CCDC6: variants seen among roughly 807,000 people sequenced by gnomAD.
CCDC6 encodes the protein coiled-coil domain-containing protein 6.
In CCDC6, 20 loss-of-function variants were observed where a neutral mutation model predicts 56.6. The ratio of observed to expected loss-of-function variants is 0.35; its 90% confidence interval spans 0.25 to 0.51. The LOEUF (loss-of-function observed/expected upper bound fraction) is 0.51, where lower values mean the gene tolerates loss of function less well. Ranked by LOEUF, CCDC6 falls within the 20% of genes least tolerant of loss-of-function variation. The probability of loss-of-function intolerance (pLI) is 0.95; values close to 1 mark genes in which losing one functional copy is unlikely to be tolerated. For missense variants in CCDC6, 367 were observed against 601.1 expected, an observed-to-expected ratio of 0.61 and a Z score of 4.07; for synonymous variants, 241 against 234.4, an observed-to-expected ratio of 1.03 and a Z score of -0.26.
At chr10:59,842,581 T>C (rs1445497227) in intron 2 of CCDC6, among the ~76,000 whole-genome samples, 2 of 152,204 alleles carry the variant, frequency 1.3e-5, no homozygotes, top group Non-Finnish European at 2.9e-5. Context: ...CCTTTTAATA[T>C]ATTGCTGACT....
chr10:59,825,067 T>C (rs538020344), intron 3 of CCDC6, among the ~76,000 whole-genome samples: 120 of 152,320 alleles, frequency 7.9e-4, no homozygotes, highest in African/African-American at 2.5e-3. Context: ...GGGAAGCTTT[T>C]AGCATGAATG....
At chr10:59,877,048 T>C (rs546368024) in intron 1 of CCDC6, among the ~76,000 whole-genome samples, 1 of 152,348 alleles carries the variant, frequency 6.6e-6, no homozygotes, top group East Asian at 1.9e-4. Context: ...AGTATTTATG[T>C]ATCTAAACAT....
At chr10:59,880,062 T>A (rs1414549624) in intron 1 of CCDC6, among the ~76,000 whole-genome samples, 1 of 152,194 alleles carries the variant, frequency 6.6e-6, no homozygotes, top group Admixed American at 6.5e-5. Context: ...AGAAAATGTC[T>A]CTGGCAGAGG....
intron 1 of CCDC6, among the ~76,000 whole-genome samples, chr10:59,876,041 C>T (rs1045539848): frequency 1.4e-5 from 2 of 144,444 alleles, no homozygotes; most frequent in African/African-American, 5.2e-5. Context: ...GCCAACAAGC[C>T]TACACACATA....
intron 1 of CCDC6, among the ~76,000 whole-genome samples, chr10:59,853,379 A>G (rs2071055098): frequency 6.6e-6 from 1 of 152,088 alleles, no homozygotes; most frequent in Non-Finnish European, 1.5e-5. Flanking sequence ...TAAAAAATAC[A>G]AAAAATTAGT....
intron 1 of CCDC6, among the ~76,000 whole-genome samples, chr10:59,875,242 G>A (rs1043617258): frequency 6.6e-6 from 1 of 152,230 alleles, no homozygotes; most frequent in African/African-American, 2.4e-5. Context: ...GGATGGCACT[G>A]ATGACCTATT....
chr10:59,820,772 C>T (rs946443367), intron 3 of CCDC6, among the ~76,000 whole-genome samples: 4 of 125,690 alleles, frequency 3.2e-5, no homozygotes, highest in East Asian at 4.0e-4. Flanking sequence ...AATGAATGAA[C>T]GAATGAAAGA....
At chr10:59,874,518 A>C (rs2071261409) in intron 1 of CCDC6, among the ~76,000 whole-genome samples, 1 of 152,228 alleles carries the variant, frequency 6.6e-6, no homozygotes, top group African/African-American at 2.4e-5. Context: ...CTGCCAGTGA[A>C]GGCAGAATGC....
intron 1 of CCDC6, among the ~76,000 whole-genome samples, chr10:59,881,465 T>G (rs547347314): frequency 6.6e-6 from 1 of 152,310 alleles, no homozygotes; most frequent in African/African-American, 2.4e-5. Context: ...ATTATGCCCC[T>G]TTCCTCTCTT....
chr10:59,805,423 CA>C (rs1212453795), intron 6 of CCDC6: 2 of 152,050 alleles, frequency 1.3e-5, no homozygotes, highest in South Asian at 4.1e-4. Context: ...ATCTGACCTA[CA>C]AAAGGTAGGG....
chr10:59,885,060 TAACAAC>T (rs34281702), intron 1 of CCDC6, among the ~76,000 whole-genome samples: 13 of 148,106 alleles, frequency 8.8e-5, no homozygotes, highest in African/African-American at 3.0e-4. Context: ...CGAGACTCCG[TAACAAC>T]AACAACAACA....
chr10:59,875,993 T>TA (rs1425934024), intron 1 of CCDC6, among the ~76,000 whole-genome samples: 2 of 148,634 alleles, frequency 1.3e-5, no homozygotes, highest in African/African-American at 2.5e-5. Flanking sequence ...TAACGGTTGT[T>TA]AAAAAAATCT....
chr10:59,876,527 G>T (rs1272540944), intron 1 of CCDC6, among the ~76,000 whole-genome samples: 1 of 148,764 alleles, frequency 6.7e-6, no homozygotes, highest in South Asian at 2.1e-4. Context: ...ACTAGGCAAG[G>T]TCCACCAAAC....
In CCDC6 at chr10:59,906,545, C is replaced by G; in HGVS notation, c.-121G>C. ...GAGCGCCGAGCTGAGCGCCTGGCAC[C>G]AGGGCGCAGACTCGGAGCGGCGGCG... On this transcript the variant is annotated 5_prime_UTR_variant, in exon 1 of 9. Coordinates refer to ENST00000263102, the MANE Select transcript of CCDC6 (RefSeq NM_005436.5). 1.2e-6 allele frequency: 1 copy of G among 836,948 alleles called. No homozygotes were observed. Among genetic ancestry groups the G allele is most frequent in the South Asian group, 2.1e-5 (1 of 48,352 alleles). The allele number at this position is 836,948 out of a possible 1,614,324, so 51.8% of individuals were successfully genotyped here.
chr10:59,882,850 CTCAGCAGG>C (rs2071354848), intron 1 of CCDC6, among the ~76,000 whole-genome samples: 1 of 152,054 alleles, frequency 6.6e-6, no homozygotes, highest in Non-Finnish European at 1.5e-5. Context: ...ATCCCAGCTA[CTCAGCAGG>C]CTGAGGCAGG....
intron 7 of CCDC6, among the ~76,000 whole-genome samples, chr10:59,795,754 A>G (rs1169467060): frequency 3.3e-5 from 5 of 151,668 alleles, no homozygotes; most frequent in African/African-American, 4.8e-5. Flanking sequence ...GCGATAGTTT[A>G]CTGAGAATGA....
At chr10:59,793,215 A>G in intron 8 of CCDC6, 104 bp from the exon 9 acceptor site, 1 of 818,380 alleles carries the variant, frequency 1.2e-6, no homozygotes, top group Non-Finnish European at 1.9e-6. Flanking sequence ...ACTAACCAAC[A>G]AAGACAAGAA....
rs766124809 is a variant in CCDC6, at chr10:59,792,878, G to A, written c.*39C>T. 6.3e-7 allele frequency: 1 copy of A among 1,598,260 alleles called. No individual in the cohort carries two copies. Among genetic ancestry groups the A allele is most frequent in the African/African-American group, 1.3e-5 (1 of 74,562 alleles). On this transcript the variant is annotated 3_prime_UTR_variant, in exon 9 of 9. Transcript: ENST00000263102. ...TTGGCGTTGAGTAGACGGCTCCATTGGATGAGTCCCAACTTGAAATTCAGA... is the reference window on the plus strand; with the variant it reads ...TTGGCGTTGAGTAGACGGCTCCATTAGATGAGTCCCAACTTGAAATTCAGA...
chr10:59,869,185 T>G (rs2132666945), intron 1 of CCDC6, among the ~76,000 whole-genome samples: 1 of 150,980 alleles, frequency 6.6e-6, no homozygotes, highest in Middle Eastern at 3.5e-3. Flanking sequence ...TAGCCCAAAG[T>G]CTTCCAGTTA....
Sources: gnomAD v4.1 joint callset for allele counts (sites outside exome capture counted in the v4.1 genomes callset) on GRCh38, gnomAD v4.1.1 for gene constraint, MANE v1.5 for transcripts, NCBI Gene and HGNC (gene_info 2026-07-23, HGNC 2026-07-21) for gene names.